The following WASL variants were observed in gnomAD, a reference collection of about 807,000 sequenced individuals.
WASL encodes the protein WASP like actin nucleation promoting factor.
WASL carries 20 observed loss-of-function variants against 55.5 expected under a neutral mutation model. That is an observed-to-expected ratio of 0.36 (90% confidence interval 0.25 to 0.52). The LOEUF is 0.52. Among genes scored for constraint, WASL ranks in the 20% least tolerant of loss-of-function variants. WASL has a pLI of 0.92. For missense variants in WASL, 504 were observed against 622.5 expected (o/e 0.81, Z 2.03); for synonymous variants, 249 against 217.6 (o/e 1.14, Z -1.27).
chr7:123,699,920 T>G (rs1803551459), intron 5 of WASL, among the ~76,000 whole-genome samples: 1 of 152,088 alleles, frequency 6.6e-6, no homozygotes, highest in Non-Finnish European at 1.5e-5. Context: ...CTCACGCCTG[T>G]AATCCCAGCA....
intron 1 of WASL, among the ~76,000 whole-genome samples, chr7:123,735,866 A>T (rs1804220495): frequency 6.6e-6 from 1 of 152,150 alleles, no homozygotes; most frequent in Non-Finnish European, 1.5e-5. Context: ...GGGCCAGGGA[A>T]AGAGAAGTAG....
intron 1 of WASL, among the ~76,000 whole-genome samples, chr7:123,734,591 T>TAAAAAAAAAAAAAAAAAAA (rs71161498): frequency 1.1e-5 from 1 of 92,362 alleles, no homozygotes; most frequent in African/African-American, 4.2e-5. Context: ...ATAGAAAATG[T>TAAAAAAAAAAAAAAAAAAA]AAAAAAAAAA....
In WASL at chr7:123,721,391, T is replaced by C. The variant is rs116806819; in HGVS notation, c.118-12168A>G. On this transcript the variant is annotated intron_variant, in intron 1 of 10. Transcript: ENST00000223023. ...CTTTGAGAGCCATTTTATTTAAATATGAGCTTTTGAAGGCATAAGGTAAAG... is the reference window on the plus strand; with the variant it reads ...CTTTGAGAGCCATTTTATTTAAATACGAGCTTTTGAAGGCATAAGGTAAAG... Among the ~76,000 whole-genome samples, 825 of 152,300 alleles carry C rather than the reference T, an allele frequency of 5.4e-3. 11 individuals carry two copies. The highest frequency in any genetic ancestry group is 0.019 in the African/African-American group (793 of 41,546).
chr7:123,706,191 T>C, intron 4 of WASL, 86 bp downstream of exon 4: 1 of 1,297,070 alleles, frequency 7.7e-7, no homozygotes, highest in South Asian at 1.3e-5. Context: ...CAGTAAACTT[T>C]TATTTACAAA....
At chr7:123,709,272 T>C (rs1803719447) in intron 1 of WASL, 49 bp from the exon 2 acceptor site, 2 of 1,540,698 alleles carry the variant, frequency 1.3e-6, no homozygotes, top group South Asian at 2.6e-5. Flanking sequence ...AATATGTAGA[T>C]GATCATAGCC....
intron 1 of WASL, among the ~76,000 whole-genome samples, chr7:123,718,587 G>T (rs1803886629): frequency 2.0e-5 from 3 of 151,900 alleles, no homozygotes; most frequent in Non-Finnish European, 4.4e-5. Flanking sequence ...AAGAGAAAGG[G>T]TCTCACTATG....
At chr7:123,695,068 C>A (rs1457753219) in intron 7 of WASL, among the ~76,000 whole-genome samples, 200 bp from the exon 8 acceptor site, 1 of 151,930 alleles carries the variant, frequency 6.6e-6, no homozygotes, top group Non-Finnish European at 1.5e-5. Flanking sequence ...TTGTTCCCTG[C>A]CTTCAAAAAG....
chr7:123,739,766 C>T (rs1804298380), intron 1 of WASL, among the ~76,000 whole-genome samples: 1 of 152,036 alleles, frequency 6.6e-6, no homozygotes, highest in Non-Finnish European at 1.5e-5. Flanking sequence ...TGATAAGCTG[C>T]TTGTTTCTGA....
intron 7 of WASL, among the ~76,000 whole-genome samples, chr7:123,695,551 T>C (rs1181898879): frequency 2.6e-5 from 4 of 152,118 alleles, no homozygotes; most frequent in African/African-American, 9.7e-5. Flanking sequence ...TTGGCAGAAA[T>C]GATTTTCTTC....
chr7:123,706,594 A>G (rs1036578725), intron 3 of WASL, 146 bp downstream of exon 3: 2 of 754,702 alleles, frequency 2.7e-6, no homozygotes, highest in African/African-American at 3.6e-5. Flanking sequence ...GCAGACACAT[A>G]TACTAATTTG....
chr7:123,742,838 A>G (rs1177473305), intron 1 of WASL, among the ~76,000 whole-genome samples: 1 of 152,220 alleles, frequency 6.6e-6, no homozygotes, highest in Non-Finnish European at 1.5e-5. Flanking sequence ...ATAATTCAGG[A>G]TTATCTACCT....
intron 1 of WASL, among the ~76,000 whole-genome samples, chr7:123,740,856 G>A (rs561877801): frequency 5.9e-5 from 9 of 152,252 alleles, no homozygotes; most frequent in South Asian, 2.1e-4. Flanking sequence ...AAAGCGCTGC[G>A]ATTAAAGGTG....
Position 123,692,355 on chromosome 7 carries a change from G to C in WASL, c.1339C>G (p.Leu447Val). ...LLDQIRQGIQ[L>V]KSVADGQEST... ...AAAAAAAGCTTACTTACAGATTTTA[G>C]TTGGATACCCTGTCGTATCTGGTCT... Residue 447 changes from leucine to valine, a missense_variant, in exon 9 of 11, where the codon CTA becomes GTA. This residue lies in a region of WASL where 53 missense variants were observed against 69.1 expected (regional missense o/e 0.77). Coordinates refer to ENST00000223023, the MANE Select transcript of WASL (RefSeq NM_003941.4). 6.2e-7 allele frequency: 1 copy of C among 1,605,824 alleles called. No individual in the cohort carries two copies. Among genetic ancestry groups the C allele is most frequent in the Non-Finnish European group, 8.5e-7 (1 of 1,177,942 alleles).
At chr7:123,709,632 T>C (rs1300479950) in intron 1 of WASL, among the ~76,000 whole-genome samples, 1 of 152,140 alleles carries the variant, frequency 6.6e-6, no homozygotes, top group Non-Finnish European at 1.5e-5. Context: ...TCCAGGCAAT[T>C]TGTGACTTCA....
rs192968050 is a variant in WASL at position 123,718,936 on chromosome 7, C to A, written c.118-9713G>T. ...CATTTGTTATGTGGCAGGCATAATG[C>A]CAGGTACTATAGCTATAATAATGCA... On this transcript the variant is annotated intron_variant, in intron 1 of 10. Transcript: ENST00000223023. Among the ~76,000 whole-genome samples, 23 of 152,276 alleles carry A rather than the reference C, an allele frequency of 1.5e-4. No homozygotes were observed. In the East Asian group the frequency reaches 4.2e-3, roughly 28 times the overall value.
intron 1 of WASL, among the ~76,000 whole-genome samples, chr7:123,714,209 A>C (rs1192980426): frequency 6.6e-6 from 1 of 152,142 alleles, no homozygotes; most frequent in Non-Finnish European, 1.5e-5. Context: ...AAAGAAAAAC[A>C]ATGTATCTGG....
At chr7:123,712,422 G>A (rs1178707128) in intron 1 of WASL, among the ~76,000 whole-genome samples, 1 of 151,934 alleles carries the variant, frequency 6.6e-6, no homozygotes, top group East Asian at 1.9e-4. Context: ...GAATGACTCT[G>A]ATTTTAGGAT....
At chr7:123,740,850 C>T (rs528668224) in intron 1 of WASL, among the ~76,000 whole-genome samples, 184 of 152,206 alleles carry the variant, frequency 1.2e-3, no homozygotes, top group Non-Finnish European at 2.1e-3. Context: ...CCTCCCAAAG[C>T]GCTGCGATTA....
At chr7:123,706,170 C>G in intron 4 of WASL, 107 bp downstream of exon 4, 1 of 1,021,602 alleles carries the variant, frequency 9.8e-7, no homozygotes, top group Non-Finnish European at 1.4e-6. Context: ...CCAATGAATA[C>G]AGTTAAGTTT....
Sources: allele counts gnomAD v4.1 joint callset (sites outside exome capture counted in the v4.1 genomes callset), GRCh38; gene constraint gnomAD v4.1.1; regional missense constraint gnomAD v4.1.1; transcripts MANE v1.5; gene names NCBI Gene and HGNC (gene_info 2026-07-23, HGNC 2026-07-21).